Variants in CAMKMT observed in about 807,000 individuals in gnomAD.
CAMKMT encodes the protein calmodulin-lysine N-methyltransferase.
In CAMKMT, 53 loss-of-function variants were observed where a neutral mutation model predicts 48.0. The observed-to-expected ratio is 1.10, with a 90% CI of 0.89 to 1.39. The LOEUF (loss-of-function observed/expected upper bound fraction) is 1.39. Ranked by LOEUF, CAMKMT falls within the 40% of genes most tolerant of loss-of-function variation. The pLI is 0.00. For synonymous variants in CAMKMT, 165 were observed against 152.3 expected (o/e 1.08, Z -0.61); for missense variants, 428 against 402.7 (o/e 1.06, Z -0.54).
chr2:44,402,917 C>G (rs1297682465), intron 3 of CAMKMT, among the ~76,000 whole-genome samples: 1 of 141,168 alleles, frequency 7.1e-6, no homozygotes, highest in Non-Finnish European at 1.5e-5. Context: ...GAAGATATTA[C>G]TGAAAGTTTT....
intron 3 of CAMKMT, among the ~76,000 whole-genome samples, chr2:44,592,867 G>A (rs1670389038): frequency 6.6e-6 from 1 of 152,084 alleles, no homozygotes; most frequent in Non-Finnish European, 1.5e-5. Context: ...AGCTTCAACT[G>A]GCATTTCAGA....
chr2:44,558,932 A>G (rs1337235918), intron 3 of CAMKMT, among the ~76,000 whole-genome samples: 2 of 146,226 alleles, frequency 1.4e-5, no homozygotes, highest in East Asian at 3.9e-4. Context: ...TGAACCTAAA[A>G]TAAAAGTCTG....
At position 44,486,156 on chromosome 2, in the gene CAMKMT, G is replaced by A. The variant is rs140405494; in HGVS notation, c.376+95851G>A. Among the ~76,000 whole-genome samples the A allele has an allele frequency of 5.9e-3, 896 of 152,058 alleles. 12 individuals are homozygous for A. The highest frequency in any genetic ancestry group is 0.02 in the African/African-American group (838 of 41,470). On this transcript the variant is annotated intron_variant, in intron 3 of 10. Coordinates refer to ENST00000378494, the MANE Select transcript of CAMKMT (RefSeq NM_024766.5). ...ATCTTTGTATTTTTTTAGTAGAGAC[G>A]GAGTTTCACCATGTTGGCCAGGCTG...
rs555304276 is a variant in CAMKMT, at chr2:44,407,321, G to A, written c.376+17016G>A. On this transcript the variant is annotated intron_variant, in intron 3 of 10. Coordinates refer to ENST00000378494, the MANE Select transcript of CAMKMT (RefSeq NM_024766.5). ...GAAGTAGACTGTTAAGTTGGTTCAAGGCTTGTGGTAGGGCCTGGAGGGCTC... is the reference window on the plus strand; with the variant it reads ...GAAGTAGACTGTTAAGTTGGTTCAAAGCTTGTGGTAGGGCCTGGAGGGCTC... 7.2e-5 allele frequency among the ~76,000 whole-genome samples: 11 copies of A among 152,258 alleles called. No homozygotes were observed. The South Asian group carries it at 2.3e-3, about 32-fold the overall frequency.
At chr2:44,539,001 T>C (rs1388344686) in intron 3 of CAMKMT, among the ~76,000 whole-genome samples, 1 of 137,972 alleles carries the variant, frequency 7.2e-6, no homozygotes, top group East Asian at 2.1e-4. Flanking sequence ...TGTGTGTGTG[T>C]GTATGTATAT....
At chr2:44,533,563 A>G (rs572348451) in intron 3 of CAMKMT, among the ~76,000 whole-genome samples, 1 of 152,196 alleles carries the variant, frequency 6.6e-6, no homozygotes, top group South Asian at 2.1e-4. Context: ...TGGCAAAATT[A>G]TTCTTCATAA....
At chr2:44,456,416 TA>T (rs940083031) in intron 3 of CAMKMT, among the ~76,000 whole-genome samples, 4 of 152,206 alleles carry the variant, frequency 2.6e-5, no homozygotes, top group African/African-American at 9.6e-5. Context: ...GAAGAATATT[TA>T]GGTCTTTTAG....
intron 3 of CAMKMT, among the ~76,000 whole-genome samples, chr2:44,398,273 G>A (rs969098491): frequency 2.0e-5 from 3 of 152,262 alleles, no homozygotes; most frequent in South Asian, 4.1e-4. Context: ...CCAAAACGGC[G>A]AGAAATGAAT....
At chr2:44,489,466 G>A (rs886359842) in intron 3 of CAMKMT, among the ~76,000 whole-genome samples, 3 of 151,958 alleles carry the variant, frequency 2.0e-5, no homozygotes, top group Admixed American at 1.3e-4. Context: ...GGCTGGTCTC[G>A]AACTCCTGAA....
At chr2:44,539,650 T>C (rs1387182004) in intron 3 of CAMKMT, among the ~76,000 whole-genome samples, 1 of 152,166 alleles carries the variant, frequency 6.6e-6, no homozygotes, top group Admixed American at 6.5e-5. Context: ...CTCTTTTAAC[T>C]TTGAACAGTT....
intron 3 of CAMKMT, among the ~76,000 whole-genome samples, chr2:44,470,444 T>A (rs1439961204): frequency 6.6e-6 from 1 of 152,224 alleles, no homozygotes; most frequent in African/African-American, 2.4e-5. Flanking sequence ...GTTCTCAAAT[T>A]GGCCCTCCAT....
chr2:44,732,463 C>A (rs1679129142), intron 7 of CAMKMT, among the ~76,000 whole-genome samples: 4 of 152,184 alleles, frequency 2.6e-5, no homozygotes, highest in Non-Finnish European at 5.9e-5. Flanking sequence ...CTGGTAGAAC[C>A]ATCCTTTACA....
intron 3 of CAMKMT, among the ~76,000 whole-genome samples, chr2:44,568,195 T>A (rs1000225387): frequency 2.6e-5 from 4 of 152,062 alleles, no homozygotes; most frequent in African/African-American, 7.2e-5. Flanking sequence ...GGCAAAGTCC[T>A]GAAATGAGCA....
At chr2:44,482,975 A>G (rs748504950) in intron 3 of CAMKMT, among the ~76,000 whole-genome samples, 4 of 152,182 alleles carry the variant, frequency 2.6e-5, no homozygotes, top group African/African-American at 4.8e-5. Context: ...TAAAGGCACC[A>G]TCTGTATTAC....
chr2:44,406,850 A>G (rs1227035929), intron 3 of CAMKMT, among the ~76,000 whole-genome samples: 1 of 152,164 alleles, frequency 6.6e-6, no homozygotes, highest in Non-Finnish European at 1.5e-5. Flanking sequence ...CAATCCGCCC[A>G]CCACACCACA....
At chr2:44,556,169 T>G (rs193205799) in intron 3 of CAMKMT, among the ~76,000 whole-genome samples, 1 of 152,206 alleles carries the variant, frequency 6.6e-6, no homozygotes, top group African/African-American at 2.4e-5. Context: ...GATGGAGTCT[T>G]GCTCTGTCAC....
chr2:44,487,217 G>T (rs927430367), intron 3 of CAMKMT, among the ~76,000 whole-genome samples: 1 of 151,944 alleles, frequency 6.6e-6, no homozygotes, highest in Admixed American at 6.6e-5. Flanking sequence ...GTAACATTGT[G>T]CTCATCTTTA....
chr2:44,456,793 C>T (rs2104606501), intron 3 of CAMKMT: 2 of 533,852 alleles, frequency 3.7e-6, no homozygotes, highest in South Asian at 3.3e-5. Flanking sequence ...AATCAGCTAT[C>T]CTATTTTCCT....
At chr2:44,512,682 C>T (rs751661914) in intron 3 of CAMKMT, among the ~76,000 whole-genome samples, 1 of 152,206 alleles carries the variant, frequency 6.6e-6, no homozygotes, top group Non-Finnish European at 1.5e-5. Context: ...TTAAAGACAA[C>T]ATCAAAATAT....
Sources: gnomAD v4.1 joint callset for allele counts (sites outside exome capture counted in the v4.1 genomes callset) on GRCh38, gnomAD v4.1.1 for gene constraint, MANE v1.5 for transcripts, NCBI Gene and HGNC (gene_info 2026-07-23, HGNC 2026-07-21) for gene names.